COL18A1: variants seen among roughly 807,000 people sequenced by gnomAD.
COL18A1 encodes the protein collagen type XVIII alpha 1 chain, also known as collagen alpha-1(XVIII) chain.
COL18A1 carries 133 observed loss-of-function variants against 168.0 expected under a neutral mutation model. The ratio of observed to expected loss-of-function variants is 0.79; its 90% confidence interval spans 0.69 to 0.91. The LOEUF (loss-of-function observed/expected upper bound fraction) is 0.91, where lower values mean the gene tolerates loss of function less well. COL18A1 is among the 40% of genes least tolerant of loss of function. The pLI is 0.00. For missense variants in COL18A1, 2,126 were observed against 1,925.4 expected (o/e 1.10, Z -1.95); for synonymous variants, 949 against 809.0 (o/e 1.17, Z -2.94).
chr21:45,412,895 G>A (rs989439955), intron 2 of COL18A1, among the ~76,000 whole-genome samples: 1 of 152,224 alleles, frequency 6.6e-6, no homozygotes, highest in Non-Finnish European at 1.5e-5. Context: ...TGCCCTCATG[G>A]GTGGGATGCC....
At chr21:45,464,700 G>A (rs771345979) in intron 2 of COL18A1, among the ~76,000 whole-genome samples, 1 of 152,112 alleles carries the variant, frequency 6.6e-6, no homozygotes, top group Non-Finnish European at 1.5e-5. Flanking sequence ...AGAGGCTGCC[G>A]CTTCCCTTCG....
intron 2 of COL18A1, among the ~76,000 whole-genome samples, chr21:45,448,257 G>A (rs2034544388): frequency 6.6e-6 from 1 of 150,702 alleles, no homozygotes; most frequent in South Asian, 2.1e-4. Context: ...TTTTTCCCAG[G>A]CACTCCCTTT....
At position 45,468,285 on chromosome 21, in the gene COL18A1, C is replaced by A. The variant is rs190083327; in HGVS notation, c.150C>A (p.Asp50Glu). The A allele has an allele frequency of 1.2e-6, 2 of 1,613,016 alleles. No homozygotes were observed. Residue 50 changes from aspartate (D) to glutamate (E), a missense_variant, in exon 3 of 42, where the codon GAC becomes GAA. Physicochemically the swap from Asp to Glu is conservative, Grantham distance 45 (BLOSUM62 2). Coordinates refer to ENST00000651438, the MANE Select transcript of COL18A1 (RefSeq NM_001379500.1). The part of the protein sequence containing the change: ...EEVGLLQLLG[D>E]PPPQQVTQTD... ...TGGGGCTGCTGCAGCTCCTTGGGGA[C>A]CCCCCGCCCCAGCAGGTCACCCAGA...
intron 2 of COL18A1, among the ~76,000 whole-genome samples, chr21:45,437,246 ACACACACACACT>A (rs1569287473): frequency 3.9e-5 from 2 of 50,828 alleles, no homozygotes; most frequent in Non-Finnish European, 7.2e-5. Flanking sequence ...ACTCTCCTGT[ACACACACACACT>A]CACACACTCA....
In COL18A1 at chr21:45,423,042, G is replaced by A. The variant is rs1004510802; in HGVS notation, c.106+17569G>A. 3.9e-5 allele frequency among the ~76,000 whole-genome samples: 6 copies of A among 152,086 alleles called. No homozygotes were observed. The highest frequency in any genetic ancestry group is 4.2e-4 in the South Asian group (2 of 4,818). On this transcript the variant is annotated intron_variant, in intron 2 of 41. Transcript: ENST00000651438. The surrounding 1 kb of genome is among the most constrained non-coding windows in gnomAD (Gnocchi z 4.0). ...TTGGTCAGGCTGGTCTCTAACTCCCGACCTCAGGTGATCTGCCCGCATCTC... is the reference window on the plus strand; with the variant it reads ...TTGGTCAGGCTGGTCTCTAACTCCCAACCTCAGGTGATCTGCCCGCATCTC...
At position 45,505,286 on chromosome 21, in the gene COL18A1, A is replaced by G; in HGVS notation, c.3013+8A>G. On this transcript the variant is annotated splice_region_variant and intron_variant, in intron 35 of 41. Transcript: ENST00000651438. Reference sequence around the variant, plus strand: ...CTGGCCCTCACAGGCAGAGTAAGTCAGTGGGGAGTGGGCCCCGGGCAGAGG... The same window carrying G: ...CTGGCCCTCACAGGCAGAGTAAGTCGGTGGGGAGTGGGCCCCGGGCAGAGG... 2 of 1,606,680 alleles carry G rather than the reference A, an allele frequency of 1.2e-6. No homozygotes were observed. The highest frequency in any genetic ancestry group is 1.1e-5 in the South Asian group (1 of 90,804).
In COL18A1 at chr21:45,509,496, G is replaced by T. The variant is rs1203048331; in HGVS notation, c.3390G>T (p.Glu1130Asp). The T allele has an allele frequency of 5.2e-6, 8 of 1,529,788 alleles. No individual in the cohort carries two copies. Among genetic ancestry groups the T allele is most frequent in the Admixed American group, 3.8e-5 (2 of 53,222 alleles). The allele number at this position is 1,529,788 out of a possible 1,614,324, so 94.8% of individuals were successfully genotyped here. A position where few individuals can be genotyped will look rare whatever the true frequency, so the allele number is the denominator to read the frequency against. Reference sequence around the variant, plus strand: ...TGGCCAGCCCCCCTCGCCTGCCCGAGCCCCAGCCCTACCCCGGAGCCCCGC... The same window carrying T: ...TGGCCAGCCCCCCTCGCCTGCCCGATCCCCAGCCCTACCCCGGAGCCCCGC... ...DILASPPRLPEPQPYPGAPHH... is the reference protein window; with the variant it reads ...DILASPPRLPDPQPYPGAPHH... Residue 1130 changes from glutamate to aspartate, a missense_variant, in exon 39 of 42, where the codon GAG becomes GAT. Glu to Asp is a conservative substitution (Grantham distance 45, BLOSUM62 2). Coordinates refer to ENST00000651438, the MANE Select transcript of COL18A1 (RefSeq NM_001379500.1).
At chr21:45,501,829 A>G (rs1358726803) in intron 32 of COL18A1, among the ~76,000 whole-genome samples, 24 of 63,280 alleles carry the variant, frequency 3.8e-4, no homozygotes, top group South Asian at 7.0e-4. Context: ...CAGGGGCTCC[A>G]CAGCCGGTCA....
At chr21:45,508,387 AGATG>A (rs2037365415) in intron 38 of COL18A1, among the ~76,000 whole-genome samples, 1 of 132,264 alleles carries the variant, frequency 7.6e-6, no homozygotes, top group South Asian at 2.6e-4. Flanking sequence ...GATGGTGGGC[AGATG>A]GATGGTGGAT....
At chr21:45,479,859 G>A in intron 9 of COL18A1, 43 bp from the exon 10 acceptor site, 1 of 1,612,252 alleles carries the variant, frequency 6.2e-7, no homozygotes, top group South Asian at 1.1e-5. Flanking sequence ...TGCGGCCCAT[G>A]GTGGTGCCTT....
Position 45,473,461 on chromosome 21 carries a change from G to A in COL18A1, c.652-434G>A, listed in dbSNP as rs145924127. On this transcript the variant is annotated intron_variant, in intron 3 of 41. Coordinates refer to ENST00000651438, the MANE Select transcript of COL18A1 (RefSeq NM_001379500.1). This position sits in a 1 kb window ranked among gnomAD's most constrained non-coding sequence, Gnocchi z 4.0. ...GAAAGCAAAGCCATGGTGCCACCTC[G>A]GTTGGTCCGAGTCGGGAGATGAGGC... is the stretch of plus-strand genomic sequence containing the variant. Among the ~76,000 whole-genome samples the A allele has an allele frequency of 1.2e-4, 19 of 152,304 alleles. No individual in the cohort carries two copies. Among genetic ancestry groups the A allele is most frequent in the African/African-American group, 3.8e-4 (16 of 41,562 alleles).
chr21:45,438,026 A>T (rs1212251603), intron 2 of COL18A1, among the ~76,000 whole-genome samples: 5 of 123,702 alleles, frequency 4.0e-5, no homozygotes, highest in Admixed American at 1.6e-4. Context: ...ACTCACTCAC[A>T]CACAGACACA....
At chr21:45,490,230 T>G in intron 19 of COL18A1, 45 bp from the exon 20 acceptor site, 1 of 1,510,832 alleles carries the variant, frequency 6.6e-7, no homozygotes. Context: ...CCTGCATTCC[T>G]GGGCGTGTGG....
At chr21:45,470,425 C>CTTTTTTTTTTTTT (rs1195744330) in intron 3 of COL18A1, among the ~76,000 whole-genome samples, 2 of 37,112 alleles carry the variant, frequency 5.4e-5, no homozygotes, top group Non-Finnish European at 1.0e-4. Flanking sequence ...TTTACCTTGT[C>CTTTTTTTTTTTTT]TTTTTTTTTT....
rs776858677 is a variant in COL18A1 at position 45,509,306 on chromosome 21, G to A, written c.3250-50G>A. ...CAGAGGAGGACACAGATGGAGGAGG[G>A]GCACCCGGAGGGTCCCCCCGCCGAC... On this transcript the variant is annotated intron_variant, in intron 38 of 41. Coordinates refer to ENST00000651438, the MANE Select transcript of COL18A1 (RefSeq NM_001379500.1). 1,795 of 1,535,362 alleles carry A rather than the reference G, an allele frequency of 1.2e-3. 1 individual carries two copies. Among genetic ancestry groups the A allele is most frequent in the Non-Finnish European group, 1.4e-3 (1,583 of 1,145,068 alleles).
intron 2 of COL18A1, among the ~76,000 whole-genome samples, chr21:45,439,555 G>T (rs2034310658): frequency 6.6e-6 from 1 of 152,278 alleles, no homozygotes; most frequent in Non-Finnish European, 1.5e-5. Context: ...AAATGCCTGG[G>T]CCTCTGGCTC....
intron 2 of COL18A1, among the ~76,000 whole-genome samples, chr21:45,448,040 G>A (rs1024021732): frequency 2.6e-5 from 4 of 152,198 alleles, no homozygotes; most frequent in Non-Finnish European, 5.9e-5. Context: ...GGTCTGAAAA[G>A]CATTTCTTCC....
At chr21:45,433,984 C>T (rs1414096500) in intron 2 of COL18A1, among the ~76,000 whole-genome samples, 3 of 135,340 alleles carry the variant, frequency 2.2e-5, no homozygotes, top group African/African-American at 8.9e-5. Flanking sequence ...TGAACACCCA[C>T]CCTTTGGGGG....
chr21:45,442,185 G>T (rs1324465880), intron 2 of COL18A1, among the ~76,000 whole-genome samples: 1 of 152,216 alleles, frequency 6.6e-6, no homozygotes, highest in Admixed American at 6.5e-5. Context: ...CCTTGAGCCT[G>T]GACACTGGCC....
Sources: allele counts gnomAD v4.1 joint callset (sites outside exome capture counted in the v4.1 genomes callset), GRCh38; gene constraint gnomAD v4.1.1; non-coding constraint Gnocchi (gnomAD v3.1); transcripts MANE v1.5; gene names NCBI Gene and HGNC (gene_info 2026-07-23, HGNC 2026-07-21).